LIPA: variants seen among roughly 807,000 people sequenced by gnomAD.
LIPA encodes lysosomal acid lipase/cholesteryl ester hydrolase.
In LIPA, 26 loss-of-function variants were observed where a neutral mutation model predicts 40.6. That is an observed-to-expected ratio of 0.64 (90% confidence interval 0.47 to 0.89). The LOEUF is 0.89. Ranked by LOEUF, LIPA falls within the 40% of genes least tolerant of loss-of-function variation. LIPA has a pLI of 0.00. For synonymous variants in LIPA, 188 were observed against 168.4 expected (o/e 1.12, Z -0.90); for missense variants, 455 against 479.6 (o/e 0.95, Z 0.48).
Position 89,247,459 on chromosome 10 carries a change from G to A in LIPA, c.111+79C>T, listed in dbSNP as rs1379846314. The A allele has an allele frequency of 2.7e-5, 21 of 775,826 alleles. No homozygotes were observed. In the South Asian group the frequency reaches 2.8e-4, roughly 10 times the overall value. 48.1% of individuals were successfully genotyped at this position (775,826 alleles called of 1,614,324 possible). On this transcript the variant is annotated intron_variant, in intron 2 of 9. Coordinates refer to ENST00000336233, the MANE Select transcript of LIPA (RefSeq NM_000235.4). ...GGAGTTATAAAGAGATGAATGTATGGGTATGGCTTCATGTAGCTCACATAA... is the reference window on the plus strand; with the variant it reads ...GGAGTTATAAAGAGATGAATGTATGAGTATGGCTTCATGTAGCTCACATAA...
chr10:89,302,946 G>C (rs992917996), intron 1 of LIPA, among the ~76,000 whole-genome samples: 7 of 149,652 alleles, frequency 4.7e-5, no homozygotes, highest in Non-Finnish European at 8.9e-5. Context: ...TGTCTGTGAG[G>C]TTCCTGATTT....
chr10:89,338,168 G>A (rs1485672571), intron 1 of LIPA: 2 of 156,392 alleles, frequency 1.3e-5, no homozygotes, highest in Non-Finnish European at 2.8e-5. Context: ...TATATATAAA[G>A]AGATTTATTA....
intron 2 of LIPA, chr10:89,402,628 T>C (rs765564669): frequency 6.2e-7 from 1 of 1,614,226 alleles, no homozygotes; most frequent in Admixed American, 1.7e-5. Context: ...CAGACTTACC[T>C]GGACAAGGTG....
rs187529969 is a variant in LIPA at position 89,284,901 on chromosome 10, C to T, written c.-1-37252G>A. On this transcript the variant is annotated intron_variant, in intron 1 of 5. Transcript: ENST00000282673. ...GCTCTTCCTGGCTCAAAAGCTCCCC[C>T]ACTGAGCACCTTGTGCCCCCCACCC... 5.2e-5 allele frequency: 8 copies of T among 152,382 alleles called. No individual in the cohort carries two copies. In the East Asian group the frequency reaches 1.2e-3, roughly 22 times the overall value. The allele number at this position is 152,382 out of a possible 1,614,324, so 9.4% of individuals were successfully genotyped here.
At chr10:89,392,608 T>C in intron 2 of LIPA, 1 of 1,269,930 alleles carries the variant, frequency 7.9e-7, no homozygotes, top group Non-Finnish European at 1.2e-6. Flanking sequence ...TAACACTGTC[T>C]TGGGGTTTAA....
At chr10:89,367,341 G>T (rs12250610) in intron 2 of LIPA, among the ~76,000 whole-genome samples, 2,682 of 152,212 alleles carry the variant, frequency 0.018, 38 homozygotes, top group African/African-American at 0.043. Context: ...AAAAAAGACA[G>T]AGATCTGCTG....
At chr10:89,306,911 G>T (rs775027680) in intron 1 of LIPA, 2 of 1,614,006 alleles carry the variant, frequency 1.2e-6, no homozygotes, top group Admixed American at 1.7e-5. Context: ...AATAGGACAC[G>T]CTGTGGCTCA....
chr10:89,245,852 T>C, intron 2 of LIPA, 59 bp from the exon 3 acceptor site: 1 of 863,112 alleles, frequency 1.2e-6, no homozygotes, highest in Non-Finnish European at 2.0e-6. Flanking sequence ...GTCTCCCACA[T>C]TAACAAGCAA....
intron 1 of LIPA, among the ~76,000 whole-genome samples, chr10:89,293,205 TG>T (rs1471312325): frequency 6.6e-6 from 1 of 152,198 alleles, no homozygotes; most frequent in Non-Finnish European, 1.5e-5. Flanking sequence ...CACTCCCTCC[TG>T]CTGCCTTGTG....
At chr10:89,286,391 C>G (rs993037609) in intron 1 of LIPA, among the ~76,000 whole-genome samples, 5 of 152,124 alleles carry the variant, frequency 3.3e-5, no homozygotes, top group South Asian at 4.1e-4. Context: ...TCCGCTCCCC[C>G]ACCCTATAAT....
upstream of LIPA, among the ~76,000 whole-genome samples, chr10:89,253,725 C>T (rs538347419): frequency 6.6e-6 from 1 of 152,330 alleles, no homozygotes; most frequent in East Asian, 1.9e-4. Flanking sequence ...CAAGTCCCTT[C>T]CACCTATTAG....
chr10:89,376,203 A>AG (rs1196077479), intron 2 of LIPA, among the ~76,000 whole-genome samples: 1 of 150,896 alleles, frequency 6.6e-6, no homozygotes, highest in Non-Finnish European at 1.5e-5. Context: ...AAAAAAAAAA[A>AG]AAAAAAGAAG....
At position 89,313,299 on chromosome 10, in the gene LIPA, G is replaced by T. The variant is rs139733072; in HGVS notation, c.-2+29312C>A. On this transcript the variant is annotated intron_variant, in intron 1 of 5. Coordinates refer to the LIPA transcript ENST00000282673. ...ACTGAACTGCAACCAATTCAATCTG[G>T]TTCCATTTTTCAGTTTATCCTTTAG... Among the ~76,000 whole-genome samples, 266 of 152,208 alleles carry T rather than the reference G, an allele frequency of 1.7e-3. 3 individuals carry two copies. Among genetic ancestry groups the T allele is most frequent in the African/African-American group, 5.9e-3 (245 of 41,546 alleles).
chr10:89,330,801 A>T (rs927262073), intron 1 of LIPA, among the ~76,000 whole-genome samples: 2 of 152,198 alleles, frequency 1.3e-5, no homozygotes, highest in African/African-American at 4.8e-5. Flanking sequence ...CCATAAATAA[A>T]GGGGAAAACT....
intron 2 of LIPA, among the ~76,000 whole-genome samples, chr10:89,376,244 A>G (rs1844120895): frequency 6.6e-6 from 1 of 151,012 alleles, no homozygotes; most frequent in Non-Finnish European, 1.5e-5. Flanking sequence ...ACATTCTTCT[A>G]GGAACTTGTC....
At chr10:89,357,763 A>G (rs964517393) in intron 2 of LIPA, among the ~76,000 whole-genome samples, 4 of 152,332 alleles carry the variant, frequency 2.6e-5, no homozygotes, top group Admixed American at 2.0e-4. Flanking sequence ...AAGAATTTTA[A>G]AGGTAGCTAT....
intron 3 of LIPA, among the ~76,000 whole-genome samples, chr10:89,230,230 C>T (rs1842823560): frequency 6.6e-6 from 1 of 152,202 alleles, no homozygotes; most frequent in African/African-American, 2.4e-5. Flanking sequence ...GAGAACACAG[C>T]AGAGAACAAA....
intron 3 of LIPA, among the ~76,000 whole-genome samples, chr10:89,244,565 A>C (rs1843001039): frequency 6.6e-6 from 1 of 152,166 alleles, no homozygotes; most frequent in South Asian, 2.1e-4. Context: ...CTGGGCAACA[A>C]GACCGAAAAT....
At chr10:89,378,107 T>A (rs764439066) in intron 2 of LIPA, 4 of 1,613,738 alleles carry the variant, frequency 2.5e-6, no homozygotes, top group Non-Finnish European at 3.4e-6. Context: ...ACCAAAGCAC[T>A]ACAGATCACC....
Sources: allele counts gnomAD v4.1 joint callset (sites outside exome capture counted in the v4.1 genomes callset), GRCh38; gene constraint gnomAD v4.1.1; transcripts MANE v1.5; gene names NCBI Gene and HGNC (gene_info 2026-07-23, HGNC 2026-07-21).